Variants in SAMD4B observed in about 807,000 individuals in gnomAD.
The protein encoded by SAMD4B is sterile alpha motif domain containing 4B.
Under a neutral mutation model 74.5 loss-of-function variants are expected in SAMD4B, and 5 were observed. The observed-to-expected ratio is 0.07, with a 90% CI of 0.04 to 0.14. The LOEUF is 0.14. Among genes scored for constraint, SAMD4B ranks in the 10% least tolerant of loss-of-function variants. SAMD4B has a pLI of 1.00. For missense variants in SAMD4B, 608 were observed against 921.8 expected (o/e 0.66, Z 4.41); for synonymous variants, 373 against 374.9 (o/e 1.00, Z 0.06).
chr19:39,386,125 C>T (rs778413961), downstream of SAMD4B: 5 of 1,614,010 alleles, frequency 3.1e-6, no homozygotes, highest in Middle Eastern at 3.3e-4. This position sits in a 1 kb window ranked among gnomAD's most constrained non-coding sequence, Gnocchi z 6.1. Context: ...TGGCCACCCC[C>T]ATTGCTGCCG....
rs1024939144 is a variant in SAMD4B, at chr19:39,378,491, C to T, written c.1445-13C>T. The T allele has an allele frequency of 1.4e-5, 23 of 1,613,304 alleles. No individual in the cohort carries two copies. Among genetic ancestry groups the T allele is most frequent in the African/African-American group, 6.7e-5 (5 of 74,896 alleles). ...TAGGGGTTAACCTCCTGCCCTTTCT[C>T]ATGTCCCCCCAGTGTGCACCCAACT... On this transcript the variant is annotated splice_polypyrimidine_tract_variant and intron_variant, in intron 8 of 13. Coordinates refer to ENST00000610417, the MANE Select transcript of SAMD4B (RefSeq NM_001384574.2). The surrounding 1 kb of genome is among the most constrained non-coding windows in gnomAD (Gnocchi z 4.4).
intron 1 of SAMD4B, among the ~76,000 whole-genome samples, chr19:39,349,206 G>A (rs188510839): frequency 2.8e-3 from 431 of 152,304 alleles, no homozygotes; most frequent in African/African-American, 0.01. Flanking sequence ...GGAAATGGAA[G>A]AAGTCAAAGA....
rs1321068158 is a variant in SAMD4B at position 39,377,595 on chromosome 19, C to T, written c.1215C>T (p.Thr405=). 1 of 1,613,938 alleles carries T rather than the reference C, an allele frequency of 6.2e-7. No individual in the cohort carries two copies. Among genetic ancestry groups the T allele is most frequent in the Non-Finnish European group, 8.5e-7 (1 of 1,179,946 alleles). The part of the protein sequence containing the change: ...SVLQATVAAA[T]TTPTAKDGAP... ...TCCAGGCCACCGTGGCTGCCGCCACCACCACCCCTACTGCCAAGGATGGGG... is the reference window on the plus strand; with the variant it reads ...TCCAGGCCACCGTGGCTGCCGCCACTACCACCCCTACTGCCAAGGATGGGG... Residue 405 remains threonine (T), a synonymous_variant, in exon 8 of 14, where the codon ACC becomes ACT. Transcript: ENST00000610417.
chr19:39,377,740 G>C lies in SAMD4B; in HGVS notation c.1360G>C (p.Ala454Pro), dbSNP rs755773306. Residue 454 changes from alanine to proline, a missense_variant, in exon 8 of 14, where the codon GCT becomes CCT. Physicochemically the swap from Ala to Pro is conservative, Grantham distance 27. Around this residue, in one of 9 missense-constraint regions of SAMD4B, gnomAD observed 99 missense variants for 112.1 expected, o/e 0.88. Coordinates refer to ENST00000610417, the MANE Select transcript of SAMD4B (RefSeq NM_001384574.2). ...GAACTACCCACCTCCACCAGCTCCA[G>C]CTCCCACTGATGGCAGTGAGCCTGC... ...VENYPPPPAP[A>P]PTDGSEPAPA... 4 of 1,614,182 alleles carry C rather than the reference G, an allele frequency of 2.5e-6. No homozygotes were observed. The highest frequency in any genetic ancestry group is 3.4e-6 in the Non-Finnish European group (4 of 1,180,012).
rs2078220525 is a variant in SAMD4B at position 39,385,367 on chromosome 19, C to T, written c.*1840C>T. On this transcript the variant is annotated 3_prime_UTR_variant, in exon 14 of 14. Transcript: ENST00000610417. ...TCTCCATCAGGGTGAGCTGACTGTG[C>T]CTGGCACTGGGAGGTGGTGAGGGAC... The T allele has an allele frequency of 7.4e-6, 3 of 403,078 alleles. No individual in the cohort carries two copies. Among genetic ancestry groups the T allele is most frequent in the South Asian group, 1.2e-4 (1 of 8,166 alleles). 25.0% of individuals were successfully genotyped at this position (403,078 alleles called of 1,614,324 possible). A position where few individuals can be genotyped will look rare whatever the true frequency, so the allele number is the denominator to read the frequency against.
intron 1 of SAMD4B, among the ~76,000 whole-genome samples, chr19:39,345,170 T>C (rs1253347941): frequency 1.3e-5 from 2 of 152,144 alleles, no homozygotes; most frequent in Non-Finnish European, 2.9e-5. Context: ...TTTAGGAGGA[T>C]TTCCTTTTCC....
At chr19:39,374,588 TC>T (rs2077494604) in intron 4 of SAMD4B, among the ~76,000 whole-genome samples, 1 of 152,204 alleles carries the variant, frequency 6.6e-6, no homozygotes, top group African/African-American at 2.4e-5. Context: ...ACGCCTGTAA[TC>T]CCAGCACTTT....
At chr19:39,386,201 G>A (rs777154167), downstream of SAMD4B, 48 of 1,613,968 alleles carry the variant, frequency 3.0e-5, no homozygotes, top group South Asian at 1.4e-4. The surrounding 1 kb of genome is among the most constrained non-coding windows in gnomAD (Gnocchi z 6.1). Flanking sequence ...AGTCGGCATC[G>A]TCCTCAGAAT....
At chr19:39,347,200 C>T (rs1421122217) in intron 1 of SAMD4B, among the ~76,000 whole-genome samples, 1 of 152,192 alleles carries the variant, frequency 6.6e-6, no homozygotes, top group Non-Finnish European at 1.5e-5. Context: ...TCATCCTCAA[C>T]AAGCTTCTGC....
chr19:39,388,894 T>C (rs1321234096), downstream of SAMD4B: 1 of 1,612,286 alleles, frequency 6.2e-7, no homozygotes, highest in Non-Finnish European at 8.5e-7. Flanking sequence ...TGGGGTTAGA[T>C]GGGAACAGGC....
intron 3 of SAMD4B, chr19:39,369,281 T>C: frequency 3.5e-6 from 1 of 286,142 alleles, no homozygotes; most frequent in South Asian, 3.6e-5. Context: ...GTGGCCCCAG[T>C]ATGGTGACCT....
At chr19:39,380,207 C>T (rs2077876524) in intron 10 of SAMD4B, 123 bp downstream of exon 10, 3 of 737,352 alleles carry the variant, frequency 4.1e-6, no homozygotes, top group East Asian at 5.5e-5. Flanking sequence ...CACTGGGCGA[C>T]TTTCCCAGAA....
chr19:39,385,800 T>C (rs2078232602), downstream of SAMD4B: 2 of 784,514 alleles, frequency 2.5e-6, no homozygotes, highest in African/African-American at 3.5e-5. Context: ...ACCTGGGGGT[T>C]GCGGGAGGTA....
intron 4 of SAMD4B, among the ~76,000 whole-genome samples, chr19:39,372,501 A>C (rs1054329151): frequency 6.6e-6 from 1 of 152,198 alleles, no homozygotes; most frequent in Non-Finnish European, 1.5e-5. Flanking sequence ...ACAGGAAATC[A>C]TTAAAATATT....
Position 39,356,752 on chromosome 19 carries a change from A to C in SAMD4B, c.-142A>C. 1.5e-6 allele frequency: 1 copy of C among 652,532 alleles called. No individual in the cohort carries two copies. Among genetic ancestry groups the C allele is most frequent in the Non-Finnish European group, 2.6e-6 (1 of 388,800 alleles). The allele number at this position is 652,532 out of a possible 1,614,324, so 40.4% of individuals were successfully genotyped here. A position where few individuals can be genotyped will look rare whatever the true frequency, so the allele number is the denominator to read the frequency against. On this transcript the variant is annotated 5_prime_UTR_variant, in exon 3 of 14. Coordinates refer to ENST00000610417, the MANE Select transcript of SAMD4B (RefSeq NM_001384574.2). ...ATGTGAGCAGGCTTCCTCCTCCCCC[A>C]ACAACCGTTGCCACCACGCCCAGAA...
intron 4 of SAMD4B, among the ~76,000 whole-genome samples, chr19:39,374,102 T>C: frequency 6.6e-6 from 1 of 151,964 alleles, no homozygotes; most frequent in Non-Finnish European, 1.5e-5. Flanking sequence ...ACCCTGTCTC[T>C]ACTAAAAATA....
At chr19:39,343,819 C>G (rs902760957) in intron 1 of SAMD4B, among the ~76,000 whole-genome samples, 24 of 152,052 alleles carry the variant, frequency 1.6e-4, no homozygotes, top group African/African-American at 5.8e-4. Context: ...TGAAAACTTT[C>G]CTCATGGTTT....
chr19:39,389,450 G>T (rs2078325145), downstream of SAMD4B: 1 of 1,612,900 alleles, frequency 6.2e-7, no homozygotes, highest in Non-Finnish European at 8.5e-7. The surrounding 1 kb of genome is among the most constrained non-coding windows in gnomAD (Gnocchi z 5.3). Flanking sequence ...ACCTGAGCCA[G>T]TCTCCAGTAC....
At chr19:39,374,240 G>A (rs1019230094) in intron 4 of SAMD4B, among the ~76,000 whole-genome samples, 1 of 151,794 alleles carries the variant, frequency 6.6e-6, no homozygotes, top group Non-Finnish European at 1.5e-5. Context: ...CACCGCACTC[G>A]GCGACAGAGC....
Sources: allele counts gnomAD v4.1 joint callset (sites outside exome capture counted in the v4.1 genomes callset), GRCh38; gene constraint gnomAD v4.1.1; regional missense constraint gnomAD v4.1.1; non-coding constraint Gnocchi (gnomAD v3.1); transcripts MANE v1.5; gene names NCBI Gene and HGNC (gene_info 2026-07-23, HGNC 2026-07-21).